The following ZNF766 variants were observed in gnomAD, a reference collection of about 807,000 sequenced individuals.
ZNF766 encodes zinc finger protein 766.
ZNF766 carries 13 observed loss-of-function variants against 13.2 expected under a neutral mutation model. The ratio of observed to expected loss-of-function variants is 0.98; its 90% CI spans 0.64 to 1.56. ZNF766 has a LOEUF of 1.56. Ranked by LOEUF, ZNF766 falls within the 40% of genes most tolerant of loss-of-function variation. The probability of loss-of-function intolerance (pLI) is 0.00; values close to 1 mark genes in which losing one functional copy is unlikely to be tolerated. For missense variants in ZNF766, 521 were observed against 552.2 expected, an observed-to-expected ratio of 0.94 and a Z score of 0.57; for synonymous variants, 178 against 187.6, an observed-to-expected ratio of 0.95 and a Z score of 0.42.
intron 3 of ZNF766, among the ~76,000 whole-genome samples, chr19:52,288,613 G>A (rs1226719874): frequency 6.7e-6 from 1 of 150,032 alleles, no homozygotes; most frequent in Admixed American, 6.6e-5. Flanking sequence ...AGGCTGGTCT[G>A]CAACTCCTGG....
At chr19:52,282,374 G>A (rs1981572676) in intron 2 of ZNF766, 137 bp downstream of exon 2, 1 of 1,087,996 alleles carries the variant, frequency 9.2e-7, no homozygotes, top group South Asian at 1.6e-5. Context: ...GGTGGCTCAT[G>A]CCTGTAATCC....
chr19:52,273,910 C>T (rs1251227619), intron 1 of ZNF766, among the ~76,000 whole-genome samples: 1 of 152,198 alleles, frequency 6.6e-6, no homozygotes, highest in Non-Finnish European at 1.5e-5. Flanking sequence ...ACCTGAGATT[C>T]CCATTCACAT....
At chr19:52,274,205 G>A (rs1178940874) in intron 1 of ZNF766, among the ~76,000 whole-genome samples, 1 of 148,022 alleles carries the variant, frequency 6.8e-6, no homozygotes, top group Admixed American at 6.7e-5. Context: ...CGTAGGATTT[G>A]CTTCCAAGAT....
At chr19:52,284,983 G>T (rs1425031205) in intron 3 of ZNF766, 2 of 152,052 alleles carry the variant, frequency 1.3e-5, no homozygotes, top group African/African-American at 4.8e-5. Flanking sequence ...TATTAACTCA[G>T]TCTCCAGCCC....
chr19:52,283,453 T>TG (rs1192821481), intron 3 of ZNF766, 40 bp downstream of exon 3: 1 of 1,523,502 alleles, frequency 6.6e-7, no homozygotes, highest in Non-Finnish European at 8.8e-7. Context: ...CACACTTTTT[T>TG]TTTTTTTTTT....
rs375071010 is a variant in ZNF766, at chr19:52,290,431, C to A, written c.640C>A (p.Pro214Thr). ...TCAAGTAATCCACACTGCAGATAAACCTAACAGATGTCATGAATGTGGTAA... is the reference window on the plus strand; with the variant it reads ...TCAAGTAATCCACACTGCAGATAAAACTAACAGATGTCATGAATGTGGTAA... ...NHQVIHTADK[P>T]NRCHECGKTV... is the part of the protein sequence containing the mutation. The change falls in exon 4 of 4, where the codon CCT (proline) becomes ACT (threonine). Residue 214 changes from proline to threonine, a missense_variant. Pro to Thr is a conservative substitution (Grantham distance 38, BLOSUM62 -1). Transcript: ENST00000439461. 2 of 1,613,932 alleles carry A rather than the reference C, an allele frequency of 1.2e-6. No individual in the cohort carries two copies. Among genetic ancestry groups the A allele is most frequent in the Non-Finnish European group, 1.7e-6 (2 of 1,180,012 alleles).
chr19:52,276,732 A>G (rs1021187611), intron 1 of ZNF766, among the ~76,000 whole-genome samples: 1 of 152,220 alleles, frequency 6.6e-6, no homozygotes, highest in African/African-American at 2.4e-5. Flanking sequence ...TTTGCAACGT[A>G]TCCCCTTGGA....
Position 52,283,461 on chromosome 19 carries a change from T to G in ZNF766, c.274+48T>G. ...TGAAAGCCACACTTTTTTTTTTTTT[T>G]TTGAGACAGTCTCTGTTCCCCACAC... On this transcript the variant is annotated intron_variant, in intron 3 of 3. Transcript: ENST00000439461. The G allele has an allele frequency of 2.0e-6, 3 of 1,514,608 alleles. No homozygotes were observed. The South Asian group carries it at 3.7e-5, about 19-fold the overall frequency. 93.8% of individuals were successfully genotyped at this position (1,514,608 alleles called of 1,614,324 possible).
At chr19:52,283,826 C>T (rs1231792448) in intron 3 of ZNF766, among the ~76,000 whole-genome samples, 1 of 152,222 alleles carries the variant, frequency 6.6e-6, no homozygotes, top group Non-Finnish European at 1.5e-5. Context: ...CAACCTCCGC[C>T]TCCCGGGTAC....
At chr19:52,282,342 C>T in intron 2 of ZNF766, 105 bp downstream of exon 2, 2 of 1,387,266 alleles carry the variant, frequency 1.4e-6, no homozygotes, top group Non-Finnish European at 1.9e-6. Context: ...GAGATTGAAA[C>T]CCTGTTGACT....
chr19:52,293,300 A>T lies in ZNF766; in HGVS notation c.*2102A>T, dbSNP rs2122497266. 1 of 151,730 alleles carries T rather than the reference A, an allele frequency of 6.6e-6. No individual in the cohort carries two copies. The highest frequency in any genetic ancestry group is 2.0e-4 in the East Asian group (1 of 5,118). The allele number at this position is 151,730 out of a possible 1,614,324, so 9.4% of individuals were successfully genotyped here. A position where few individuals can be genotyped will look rare whatever the true frequency, so the allele number is the denominator to read the frequency against. Reference sequence around the variant, plus strand: ...GTGATTCTCCTGTCTACACCTCCCAAGTAGCTGGATTACAGGCATGCACCA... The same window carrying T: ...GTGATTCTCCTGTCTACACCTCCCATGTAGCTGGATTACAGGCATGCACCA... On this transcript the variant is annotated 3_prime_UTR_variant, in exon 4 of 4. Coordinates refer to ENST00000439461, the MANE Select transcript of ZNF766 (RefSeq NM_001010851.3).
chr19:52,274,900 A>G (rs896244246), intron 1 of ZNF766, among the ~76,000 whole-genome samples: 5 of 152,208 alleles, frequency 3.3e-5, no homozygotes, highest in Non-Finnish European at 5.9e-5. Flanking sequence ...AGTTAAAGAT[A>G]TAGCAGAAGC....
chr19:52,285,027 G>T (rs984152633), intron 3 of ZNF766: 2 of 152,052 alleles, frequency 1.3e-5, no homozygotes, highest in Non-Finnish European at 2.9e-5. Flanking sequence ...GGTTGGTGCT[G>T]ACAATTCTGT....
rs376977855 is a variant in ZNF766 at position 52,290,575 on chromosome 19, G to A, written c.784G>A (p.Glu262Lys). 28 of 1,613,770 alleles carry A rather than the reference G, an allele frequency of 1.7e-5. No individual in the cohort carries two copies. The highest frequency in any genetic ancestry group is 1.3e-4 in the African/African-American group (10 of 74,836). ...TCGAATTGCATACCTTGCACGACAC[G>A]AGAAAGTGCATACTGGAGAGAGTCC... Reference protein sequence around the residue: ...FNRIAYLARHEKVHTGESPYK... With the variant: ...FNRIAYLARHKKVHTGESPYK... The change falls in exon 4 of 4, where the codon GAG becomes AAG. Residue 262 changes from glutamate to lysine, a missense_variant. Transcript: ENST00000439461.
chr19:52,277,527 A>T, intron 1 of ZNF766: 4 of 1,576,972 alleles, frequency 2.5e-6, no homozygotes, highest in Non-Finnish European at 3.4e-6. Context: ...GGAGTCAGGC[A>T]TGCCACTTAC....
In ZNF766 at chr19:52,290,522, A is replaced by C; in HGVS notation, c.731A>C (p.Lys244Thr). ...WRIRTGEKPY[K>T]CKECGKLFNR... ...ATTCGTACAGGAGAGAAACCTTACA[A>C]ATGTAAAGAGTGTGGCAAGCTCTTC... The change falls in exon 4 of 4, where the codon AAA (lysine) becomes ACA (threonine). Residue 244 changes from lysine (K) to threonine (T), a missense_variant. Transcript: ENST00000439461. 1 of 1,614,192 alleles carries C rather than the reference A, an allele frequency of 6.2e-7. No homozygotes were observed. The highest frequency in any genetic ancestry group is 8.5e-7 in the Non-Finnish European group (1 of 1,180,018).
At chr19:52,287,132 A>G (rs10408687) in intron 3 of ZNF766, among the ~76,000 whole-genome samples, 40,584 of 148,464 alleles carry the variant, frequency 0.27, 6,102 homozygotes, top group African/African-American at 0.42. Context: ...ACCGTGCCCG[A>G]CCTGCTCTGC....
In ZNF766 at chr19:52,294,195, C is replaced by T. The variant is rs572191932; in HGVS notation, c.*2997C>T. ...ATTGTAACAATCTTGCTGTTGACCT[C>T]GTAGCGCTCAGTGACATAATTTGAA... On this transcript the variant is annotated 3_prime_UTR_variant, in exon 4 of 4. Coordinates refer to ENST00000439461, the MANE Select transcript of ZNF766 (RefSeq NM_001010851.3). The T allele has an allele frequency of 3.9e-5, 6 of 152,220 alleles. No individual in the cohort carries two copies. Among genetic ancestry groups the T allele is most frequent in the East Asian group, 3.9e-4 (2 of 5,186 alleles). The allele number at this position is 152,220 out of a possible 1,614,324, so 9.4% of individuals were successfully genotyped here.
intron 1 of ZNF766, among the ~76,000 whole-genome samples, chr19:52,281,595 A>C: frequency 6.6e-6 from 1 of 152,222 alleles, no homozygotes; most frequent in Non-Finnish European, 1.5e-5. Flanking sequence ...TGAGGAGGAT[A>C]CATGTGTATG....
Sources: gnomAD v4.1 joint callset for allele counts (sites outside exome capture counted in the v4.1 genomes callset) on GRCh38, gnomAD v4.1.1 for gene constraint, MANE v1.5 for transcripts, NCBI Gene and HGNC (gene_info 2026-07-23, HGNC 2026-07-21) for gene names.